The following CEP89 variants were observed in gnomAD, a reference collection of about 807,000 sequenced individuals.
CEP89 encodes the protein centrosomal protein 89, also known as centrosomal protein of 89 kDa.
CEP89 carries 95 observed loss-of-function variants against 97.6 expected under a neutral mutation model. That is an observed-to-expected ratio of 0.97 (90% confidence interval 0.82 to 1.15). The LOEUF (loss-of-function observed/expected upper bound fraction) is 1.15. CEP89 is among the 50% of genes most tolerant of loss of function. CEP89 has a pLI of 0.00. For missense variants in CEP89, 869 were observed against 947.7 expected (o/e 0.92, Z 1.09); for synonymous variants, 354 against 349.1 (o/e 1.01, Z -0.16).
chr19:32,930,512 A>T (rs967700276), intron 9 of CEP89, among the ~76,000 whole-genome samples: 2 of 151,898 alleles, frequency 1.3e-5, no homozygotes, highest in African/African-American at 4.8e-5. Context: ...TCCTTCAAAA[A>T]GCAACTCAGA....
At chr19:32,953,944 C>G in intron 3 of CEP89, 143 bp from the exon 4 acceptor site, 1 of 595,956 alleles carries the variant, frequency 1.7e-6, no homozygotes, top group Non-Finnish European at 2.9e-6. Flanking sequence ...TCTCGGCTCA[C>G]TGCAAGCTCC....
intron 1 of CEP89, among the ~76,000 whole-genome samples, chr19:32,967,400 C>A (rs1971306888): frequency 6.6e-6 from 1 of 151,922 alleles, no homozygotes; most frequent in South Asian, 2.1e-4. Context: ...ATGAAGAAAC[C>A]TTGTCTTCAT....
intron 14 of CEP89, among the ~76,000 whole-genome samples, chr19:32,902,006 C>CTGTGTGTGTGTGTGTG (rs1287486651): frequency 3.5e-3 from 347 of 98,730 alleles, no homozygotes; most frequent in East Asian, 7.1e-3. Context: ...GTCTCTCTCT[C>CTGTGTGTGTGTGTGTG]TCTCTGTGTG....
intron 8 of CEP89, 100 bp from the exon 9 acceptor site, chr19:32,931,671 C>T (rs1441486482): frequency 1.1e-6 from 1 of 927,084 alleles, no homozygotes; most frequent in African/African-American, 1.7e-5. Context: ...CTCTTTCACG[C>T]TCAGAGGCAA....
intron 7 of CEP89, 153 bp downstream of exon 7, chr19:32,937,468 ACGTCCACTAC>A (rs1970602417): frequency 7.9e-6 from 5 of 634,428 alleles, no homozygotes; most frequent in African/African-American, 1.9e-5. Flanking sequence ...GTATGGACAT[ACGTCCACTAC>A]CTAGTGTTTG....
chr19:32,899,139 T>TTTTC (rs1422293962), intron 16 of CEP89, among the ~76,000 whole-genome samples: 1 of 151,648 alleles, frequency 6.6e-6, no homozygotes, highest in Non-Finnish European at 1.5e-5. Context: ...GCATTTTTTT[T>TTTTC]TTTTTTTTAG....
rs1228474287 is a variant in CEP89, at chr19:32,918,267, C to G, written c.1341G>C (p.Gln447His). 4 of 1,614,058 alleles carry G rather than the reference C, an allele frequency of 2.5e-6. No individual in the cohort carries two copies. Among genetic ancestry groups the G allele is most frequent in the Middle Eastern group, 1.6e-4 (1 of 6,084 alleles). Residue 447 changes from glutamine (Q) to histidine (H), a missense_variant, in exon 13 of 19, where the codon CAG becomes CAC. Physicochemically the swap from Gln to His is conservative, Grantham distance 24. Transcript: ENST00000305768. ...GGTGGCTGTCCTTGGCTTTCCTTTG[C>G]TGAATCTCCAACTGCTCCAGCAACA... ...NKLLLEQLEI[Q>H]QRKAKDSHQE...
chr19:32,944,761 T>C (rs1222578977), intron 5 of CEP89, among the ~76,000 whole-genome samples: 1 of 152,166 alleles, frequency 6.6e-6, no homozygotes, highest in African/African-American at 2.4e-5. Context: ...TGACCAACGG[T>C]ACAAGGGCCT....
Position 32,971,951 on chromosome 19 carries a change from A to C in CEP89, c.-77T>G, listed in dbSNP as rs908188482. On this transcript the variant is annotated 5_prime_UTR_variant, in exon 1 of 19. Coordinates refer to ENST00000305768, the MANE Select transcript of CEP89 (RefSeq NM_032816.5). The stretch of plus-strand genomic sequence containing the variant: ...TCCACAGCCAGGGACCACTCCCTAA[A>C]GCCCGCCGCAGGCCCAGCCCTCACG... 54 of 1,483,278 alleles carry C rather than the reference A, an allele frequency of 3.6e-5. No homozygotes were observed. Among genetic ancestry groups the C allele is most frequent in the Non-Finnish European group, 4.8e-5 (52 of 1,084,842 alleles). The allele number at this position is 1,483,278 out of a possible 1,614,324, so 91.9% of individuals were successfully genotyped here.
intron 15 of CEP89, 32 bp downstream of exon 15, chr19:32,901,213 A>C: frequency 6.2e-7 from 1 of 1,600,788 alleles, no homozygotes; most frequent in Non-Finnish European, 8.5e-7. Context: ...TATTGAAAAT[A>C]AAAGCAACTT....
chr19:32,949,303 G>A (rs1970862790), intron 4 of CEP89, among the ~76,000 whole-genome samples: 1 of 152,220 alleles, frequency 6.6e-6, no homozygotes, highest in South Asian at 2.1e-4. Flanking sequence ...CGCTGATGAG[G>A]AGGAGATATT....
intron 14 of CEP89, among the ~76,000 whole-genome samples, chr19:32,912,964 C>A (rs1047905779): frequency 7.3e-5 from 11 of 151,436 alleles, no homozygotes; most frequent in African/African-American, 2.7e-4. Flanking sequence ...ATGGCGTGAA[C>A]CCCGGGGGGC....
At chr19:32,955,311 G>C (rs1257758121) in intron 3 of CEP89, among the ~76,000 whole-genome samples, 1 of 152,124 alleles carries the variant, frequency 6.6e-6, no homozygotes, top group South Asian at 2.1e-4. Flanking sequence ...CTATTAATGA[G>C]TTTTTATAGT....
intron 13 of CEP89, among the ~76,000 whole-genome samples, 186 bp from the exon 14 acceptor site, chr19:32,915,703 G>A (rs1970111486): frequency 1.3e-5 from 2 of 151,912 alleles, no homozygotes; most frequent in South Asian, 4.2e-4. Flanking sequence ...GGTGGATCAC[G>A]AGGTCAGGAG....
intron 12 of CEP89, 65 bp from the exon 13 acceptor site, chr19:32,918,404 G>A (rs563686098): frequency 3.6e-4 from 424 of 1,172,450 alleles, no homozygotes; most frequent in South Asian, 1.6e-3. Context: ...AAACACTCTG[G>A]AATCTAAAAG....
At chr19:32,958,415 T>G (rs1017305609) in intron 3 of CEP89, among the ~76,000 whole-genome samples, 29 of 152,182 alleles carry the variant, frequency 1.9e-4, no homozygotes, top group African/African-American at 6.8e-4. Context: ...CCAGGCATAG[T>G]GGCTCACACT....
chr19:32,929,405 C>A (rs2145925778), intron 9 of CEP89, among the ~76,000 whole-genome samples: 1 of 152,106 alleles, frequency 6.6e-6, no homozygotes, highest in South Asian at 2.1e-4. Flanking sequence ...AGTTTGAGAC[C>A]AACCTGGCCA....
At chr19:32,911,606 C>T (rs1203011309) in intron 14 of CEP89, among the ~76,000 whole-genome samples, 2 of 152,156 alleles carry the variant, frequency 1.3e-5, no homozygotes, top group Non-Finnish European at 2.9e-5. Flanking sequence ...GAGCCAAGAT[C>T]GTACCACTGC....
chr19:32,918,863 T>C (rs1368752109), intron 12 of CEP89, among the ~76,000 whole-genome samples: 1 of 137,328 alleles, frequency 7.3e-6, no homozygotes, highest in African/African-American at 2.9e-5. Flanking sequence ...GGTTTCTTTT[T>C]TCTTTTTTCT....
Sources: gnomAD v4.1 joint callset for allele counts (sites outside exome capture counted in the v4.1 genomes callset) on GRCh38, gnomAD v4.1.1 for gene constraint, MANE v1.5 for transcripts, NCBI Gene and HGNC (gene_info 2026-07-23, HGNC 2026-07-21) for gene names.